Variants in SLC24A2 observed in about 807,000 individuals in gnomAD.
SLC24A2 encodes the protein solute carrier family 24 member 2.
Under a neutral mutation model 62.0 loss-of-function variants are expected in SLC24A2, and 36 were observed. That is an observed-to-expected ratio of 0.58 (90% CI 0.44 to 0.77). The LOEUF (loss-of-function observed/expected upper bound fraction) is 0.77, where lower values mean the gene tolerates loss of function less well. Ranked by LOEUF, SLC24A2 falls within the 30% of genes least tolerant of loss-of-function variation. The probability of loss-of-function intolerance (pLI) is 0.00; values close to 1 mark genes in which losing one functional copy is unlikely to be tolerated. For synonymous variants in SLC24A2, 358 were observed against 294.0 expected, an observed-to-expected ratio of 1.22 and a Z score of -2.23; for missense variants, 846 against 817.9, an observed-to-expected ratio of 1.03 and a Z score of -0.42.
At chr9:20,267,018 G>T in the SLC24A2 span, among the ~76,000 whole-genome samples, 5 of 149,346 alleles carry the variant, frequency 3.3e-5, no homozygotes, top group Non-Finnish European at 7.4e-5. Context: ...GGTGTTTGAG[G>T]CCAGCCTAGA....
chr9:19,943,727 C>T, the SLC24A2 span, among the ~76,000 whole-genome samples: 1 of 152,150 alleles, frequency 6.6e-6, no homozygotes, highest in South Asian at 2.1e-4. Flanking sequence ...TCATCAGTGT[C>T]TCAAATAAGA....
At chr9:19,962,807 G>C in the SLC24A2 span, among the ~76,000 whole-genome samples, 1 of 152,098 alleles carries the variant, frequency 6.6e-6, no homozygotes, top group African/African-American at 2.4e-5. Context: ...TCTGCAAACA[G>C]GGACAATTTG....
chr9:19,827,974 C>A, the SLC24A2 span, among the ~76,000 whole-genome samples: 1 of 152,280 alleles, frequency 6.6e-6, no homozygotes, highest in South Asian at 2.1e-4. Context: ...CTCTGCCATC[C>A]AACTGTCCTC....
At chr9:19,587,655 CT>C (rs60056157) in intron 5 of SLC24A2, among the ~76,000 whole-genome samples, 22,092 of 146,792 alleles carry the variant, frequency 0.15, 1,882 homozygotes, top group African/African-American at 0.24. Flanking sequence ...AAATTCCCAC[CT>C]TTTTTTTTTT....
Position 19,665,882 on chromosome 9 carries a change from C to G in SLC24A2, c.931-43583G>C, listed in dbSNP as rs552487545. Among the ~76,000 whole-genome samples, 259 of 152,192 alleles carry G rather than the reference C, an allele frequency of 1.7e-3. 2 individuals are homozygous for G. The highest frequency in any genetic ancestry group is 6.0e-3 in the African/African-American group (249 of 41,522). ...TGCCCAGACTCCATGTGGTCCTGAA[C>G]TCCTTGGCTGAAGCACCTCACCCAC... On this transcript the variant is annotated intron_variant, in intron 2 of 10. Coordinates refer to ENST00000341998, the MANE Select transcript of SLC24A2 (RefSeq NM_020344.4).
chr9:19,863,990 T>C, the SLC24A2 span, among the ~76,000 whole-genome samples: 5 of 151,460 alleles, frequency 3.3e-5, no homozygotes, highest in Admixed American at 1.3e-4. Flanking sequence ...AAACCAGAGA[T>C]GAAAAAGACA....
chr9:20,235,927 G>C, the SLC24A2 span, among the ~76,000 whole-genome samples: 8 of 152,216 alleles, frequency 5.3e-5, no homozygotes, highest in African/African-American at 1.7e-4. Context: ...CTCACTGTAA[G>C]CTTTCCAAGG....
chr9:20,016,347 A>C, the SLC24A2 span, among the ~76,000 whole-genome samples: 1 of 152,202 alleles, frequency 6.6e-6, no homozygotes, highest in East Asian at 1.9e-4. Context: ...TAGATTAGGA[A>C]GACATCTACT....
the SLC24A2 span, among the ~76,000 whole-genome samples, chr9:20,185,019 CACTT>C: frequency 3.0e-4 from 45 of 152,208 alleles, no homozygotes; most frequent in African/African-American, 1.0e-3. Context: ...TCCATGATCT[CACTT>C]ACATATGAAA....
chr9:19,510,540 T>G lies in SLC24A2; in HGVS notation c.*5613A>C, dbSNP rs1015273550. 6.6e-6 allele frequency: 1 copy of G among 151,890 alleles called. No individual in the cohort carries two copies. Among genetic ancestry groups the G allele is most frequent in the African/African-American group, 2.4e-5 (1 of 41,342 alleles). The allele number at this position is 151,890 out of a possible 1,614,324, so 9.4% of individuals were successfully genotyped here. A position where few individuals can be genotyped will look rare whatever the true frequency, so the allele number is the denominator to read the frequency against. ...TGCTGATGGTTGTTAATCATTGAGCTGGGTCACACCAGCATCTATGCTGGG... is the reference window on the plus strand; with the variant it reads ...TGCTGATGGTTGTTAATCATTGAGCGGGGTCACACCAGCATCTATGCTGGG... On this transcript the variant is annotated 3_prime_UTR_variant, in exon 11 of 11. Coordinates refer to ENST00000341998, the MANE Select transcript of SLC24A2 (RefSeq NM_020344.4).
chr9:19,903,379 C>G, the SLC24A2 span, among the ~76,000 whole-genome samples: 1 of 152,054 alleles, frequency 6.6e-6, no homozygotes, highest in African/African-American at 2.4e-5. Context: ...ATAAGGACAC[C>G]AATCCCATCA....
intron 2 of SLC24A2, among the ~76,000 whole-genome samples, chr9:19,654,892 C>T (rs1587105014): frequency 6.6e-6 from 1 of 152,130 alleles, no homozygotes. Context: ...CAAAAGGGAC[C>T]TAATAAACCA....
the SLC24A2 span, among the ~76,000 whole-genome samples, chr9:19,868,922 T>C: frequency 5.5e-4 from 84 of 152,220 alleles, no homozygotes; most frequent in Non-Finnish European, 1.0e-3. Flanking sequence ...TCTAGTCTGA[T>C]ACTCTCTGCT....
chr9:20,230,375 C>T, the SLC24A2 span, among the ~76,000 whole-genome samples: 2 of 152,174 alleles, frequency 1.3e-5, no homozygotes, highest in Admixed American at 1.3e-4. Flanking sequence ...TCCTATTTCT[C>T]CACATCCTCT....
chr9:19,573,415 C>T lies in SLC24A2; in HGVS notation c.1283G>A (p.Ser428Asn), dbSNP rs756147803. The change falls in exon 7 of 11, where the codon AGT (serine) becomes AAT (asparagine). Residue 428 changes from serine (S) to asparagine (N), a missense_variant. Physicochemically the swap from Ser to Asn is conservative, Grantham distance 46. Coordinates refer to ENST00000341998, the MANE Select transcript of SLC24A2 (RefSeq NM_020344.4). ...ATTTTGTACAGGTTCTGAAGCATCA[C>T]TGGATGGTGTCATTTCAACATCTGT... The part of the protein sequence containing the change: ...TSTDVEMTPS[S>N]DASEPVQNGN... 6.2e-7 allele frequency: 1 copy of T among 1,613,494 alleles called. No individual in the cohort carries two copies. The highest frequency in any genetic ancestry group is 2.2e-5 in the East Asian group (1 of 44,800).
the SLC24A2 span, among the ~76,000 whole-genome samples, chr9:20,068,151 C>T: frequency 6.6e-6 from 1 of 150,742 alleles, no homozygotes; most frequent in East Asian, 2.0e-4. Flanking sequence ...GCAGCCTCCG[C>T]CTCCTGGGTT....
intron 2 of SLC24A2, among the ~76,000 whole-genome samples, chr9:19,754,816 T>G (rs1267899053): frequency 2.0e-5 from 3 of 152,228 alleles, no homozygotes; most frequent in Non-Finnish European, 4.4e-5. Context: ...ATTCCTCTCC[T>G]GCTCGACAGG....
chr9:19,562,090 A>G (rs1003159351), intron 7 of SLC24A2, among the ~76,000 whole-genome samples: 7 of 152,158 alleles, frequency 4.6e-5, no homozygotes, highest in South Asian at 2.1e-4. Context: ...TTTTGCTCCA[A>G]CGATTCTGAG....
the SLC24A2 span, among the ~76,000 whole-genome samples, chr9:20,060,344 A>C: frequency 6.6e-6 from 1 of 152,138 alleles, no homozygotes; most frequent in African/African-American, 2.4e-5. Flanking sequence ...TCAGACAGAG[A>C]TATCACAGGA....
Sources: allele counts gnomAD v4.1 joint callset (sites outside exome capture counted in the v4.1 genomes callset), GRCh38; gene constraint gnomAD v4.1.1; transcripts MANE v1.5; gene names NCBI Gene and HGNC (gene_info 2026-07-23, HGNC 2026-07-21).